TYK2: variants seen among roughly 807,000 people sequenced by gnomAD.
The protein encoded by TYK2 is tyrosine kinase 2.
In TYK2, 65 loss-of-function variants were observed where a neutral mutation model predicts 130.9. The ratio of observed to expected loss-of-function variants is 0.50; its 90% CI spans 0.41 to 0.61. TYK2 has a LOEUF of 0.61. TYK2 is among the 20% of genes least tolerant of loss of function. The pLI is 0.00. For missense variants in TYK2, 1,378 were observed against 1,610.7 expected (o/e 0.86, Z 2.47); for synonymous variants, 647 against 658.9 (o/e 0.98, Z 0.28).
chr19:10,360,312 T>C (rs572211199), intron 14 of TYK2, among the ~76,000 whole-genome samples: 1 of 151,588 alleles, frequency 6.6e-6, no homozygotes, highest in Admixed American at 6.6e-5. Context: ...CTAAGCAACA[T>C]AGTGAGACCC....
intron 3 of TYK2, 97 bp downstream of exon 3, chr19:10,378,101 AGTGGGTGGATGGGTGG>A (rs2042237555): frequency 5.8e-6 from 5 of 861,562 alleles, no homozygotes; most frequent in Non-Finnish European, 6.5e-6. Flanking sequence ...TGGATGGATG[AGTGGGTGGATGGGTGG>A]GTGGATGGGT....
chr19:10,351,063 A>G lies in TYK2; in HGVS notation c.3418T>C (p.Cys1140Arg). The change falls in exon 24 of 25, where the codon TGT (cysteine) becomes CGT (arginine). Residue 1140 changes from cysteine (C) to arginine (R), a missense_variant. Transcript: ENST00000525621. ...AAAGGAAGTCTCACCTCACAGGGACATTTGTCGGGCCGTGGCAGCCTCTCC... is the reference window on the plus strand; with the variant it reads ...AAAGGAAGTCTCACCTCACAGGGACGTTTGTCGGGCCGTGGCAGCCTCTCC... Reference protein sequence around the residue: ...RGERLPRPDKCPCEVYHLMKN... With the variant: ...RGERLPRPDKRPCEVYHLMKN... 1.2e-6 allele frequency: 2 copies of G among 1,614,120 alleles called. No homozygotes were observed. The highest frequency in any genetic ancestry group is 1.7e-6 in the Non-Finnish European group (2 of 1,180,028).
At chr19:10,371,511 A>G (rs1213015258) in intron 3 of TYK2, among the ~76,000 whole-genome samples, 2 of 151,904 alleles carry the variant, frequency 1.3e-5, no homozygotes, top group African/African-American at 2.4e-5. Context: ...GTGGTGGCGC[A>G]TGCCTGTAAT....
intron 3 of TYK2, among the ~76,000 whole-genome samples, chr19:10,375,220 T>C (rs1457573565): frequency 1.3e-5 from 2 of 151,436 alleles, no homozygotes; most frequent in Non-Finnish European, 1.5e-5. Flanking sequence ...GGAAGTGTTA[T>C]AAAAATTGAT....
At chr19:10,368,543 G>T in intron 3 of TYK2, 125 bp from the exon 4 acceptor site, 1 of 1,424,162 alleles carries the variant, frequency 7.0e-7, no homozygotes, top group Non-Finnish European at 9.7e-7. Flanking sequence ...TGCAGCTTCA[G>T]TCTCACGTTG....
intron 19 of TYK2, 106 bp from the exon 20 acceptor site, chr19:10,354,340 C>A: frequency 1.1e-5 from 16 of 1,447,174 alleles, no homozygotes; most frequent in Non-Finnish European, 1.3e-5. Context: ...TTCGGAATAC[C>A]CCAGGCCCCG....
At chr19:10,358,836 G>A (rs182914417) in intron 15 of TYK2, among the ~76,000 whole-genome samples, 11 of 152,098 alleles carry the variant, frequency 7.2e-5, no homozygotes, top group African/African-American at 2.4e-4. Flanking sequence ...AGGCTGAGGC[G>A]GATGGATCAC....
chr19:10,360,370 G>A (rs947420280), intron 14 of TYK2, among the ~76,000 whole-genome samples: 1 of 152,062 alleles, frequency 6.6e-6, no homozygotes, highest in Non-Finnish European at 1.5e-5. Context: ...GATAGCACAC[G>A]CCTGTCATCC....
At position 10,361,153 on chromosome 19, in the gene TYK2, G is replaced by A. The variant is rs1315950058; in HGVS notation, c.2047+358C>T. 2 of 506,622 alleles carry A rather than the reference G, an allele frequency of 3.9e-6. No individual in the cohort carries two copies. Among genetic ancestry groups the A allele is most frequent in the South Asian group, 1.8e-5 (1 of 55,712 alleles). 31.4% of individuals were successfully genotyped at this position (506,622 alleles called of 1,614,324 possible). On this transcript the variant is annotated intron_variant, in intron 14 of 24. Coordinates refer to ENST00000525621, the MANE Select transcript of TYK2 (RefSeq NM_003331.5). This position sits in a 1 kb window ranked among gnomAD's most constrained non-coding sequence, Gnocchi z 4.0. ...GGCCTAGGAGAATCAGCACACATCA[G>A]CACTGGAGTCTGCCTGAGGCCATAG...
chr19:10,372,740 C>A (rs1296784566), intron 3 of TYK2, among the ~76,000 whole-genome samples: 1 of 151,626 alleles, frequency 6.6e-6, no homozygotes, highest in African/African-American at 2.4e-5. Flanking sequence ...ATCCTCCACG[C>A]TTAGCCTCCA....
rs757954545 is a variant in TYK2 at position 10,353,138 on chromosome 19, G to A, written c.3028-40C>T. On this transcript the variant is annotated intron_variant, in intron 21 of 24. Coordinates refer to ENST00000525621, the MANE Select transcript of TYK2 (RefSeq NM_003331.5). The surrounding 1 kb of genome is among the most constrained non-coding windows in gnomAD (Gnocchi z 6.9). Reference sequence around the variant, plus strand: ...GGGCTCGTGAGTTTCAGTGGGGCGGGGTTCGGCCGGGGGCGGCGGCAGGAC... The same window carrying A: ...GGGCTCGTGAGTTTCAGTGGGGCGGAGTTCGGCCGGGGGCGGCGGCAGGAC... 2 of 1,458,678 alleles carry A rather than the reference G, an allele frequency of 1.4e-6. No individual in the cohort carries two copies. Among genetic ancestry groups the A allele is most frequent in the Non-Finnish European group, 1.8e-6 (2 of 1,101,726 alleles). 90.4% of individuals were successfully genotyped at this position (1,458,678 alleles called of 1,614,324 possible). A position where few individuals can be genotyped will look rare whatever the true frequency, so the allele number is the denominator to read the frequency against.
Position 10,353,746 on chromosome 19 carries a change from G to T in TYK2, c.2909-100C>A. 1.1e-6 allele frequency: 1 copy of T among 899,864 alleles called. No homozygotes were observed. The highest frequency in any genetic ancestry group is 1.6e-6 in the Non-Finnish European group (1 of 607,512). The allele number at this position is 899,864 out of a possible 1,614,324, so 55.7% of individuals were successfully genotyped here. ...GAGCCCCTCCAAGGTCGGGAGGGAA[G>T]GCCAAGACCCGCGCACACTAGACCC... On this transcript the variant is annotated intron_variant, in intron 20 of 24. Transcript: ENST00000525621. This position sits in a 1 kb window ranked among gnomAD's most constrained non-coding sequence, Gnocchi z 6.9.
At chr19:10,352,647 T>G in intron 22 of TYK2, 96 bp from the exon 23 acceptor site, 1 of 745,960 alleles carries the variant, frequency 1.3e-6, no homozygotes, top group Admixed American at 2.4e-5. Flanking sequence ...AAGGACCCTC[T>G]GGGCTCAGTT....
intron 3 of TYK2, among the ~76,000 whole-genome samples, chr19:10,374,027 G>A (rs897993659): frequency 6.6e-6 from 1 of 152,148 alleles, no homozygotes; most frequent in South Asian, 2.1e-4. Context: ...AGCACTTTGG[G>A]AGGCTGAGGT....
In TYK2 at chr19:10,361,740, A is replaced by C. The variant is rs2041414300; in HGVS notation, c.1959+30T>G. On this transcript the variant is annotated intron_variant, in intron 13 of 24. Coordinates refer to ENST00000525621, the MANE Select transcript of TYK2 (RefSeq NM_003331.5). This position sits in a 1 kb window ranked among gnomAD's most constrained non-coding sequence, Gnocchi z 4.0. ...TCCTCCGGCCACCTCCTCCACAGAC[A>C]CACCCCCAGGCCTGGCCCTGCCCAC... The C allele has an allele frequency of 2.5e-6, 4 of 1,606,118 alleles. No homozygotes were observed. The African/African-American group carries it at 5.5e-5, about 22-fold the overall frequency.
chr19:10,377,646 G>A (rs1407017269), intron 3 of TYK2, among the ~76,000 whole-genome samples: 1 of 6,148 alleles, frequency 1.6e-4, no homozygotes. Flanking sequence ...ATGGATGGGT[G>A]GATGGATGAA....
chr19:10,371,322 T>C (rs2041899335), intron 3 of TYK2, among the ~76,000 whole-genome samples: 2 of 151,570 alleles, frequency 1.3e-5, no homozygotes, highest in Non-Finnish European at 1.5e-5. Context: ...ATAATTTTCA[T>C]ATCCTCTACA....
chr19:10,352,570 T>C lies in TYK2; in HGVS notation c.3201-19A>G. On this transcript the variant is annotated intron_variant, in intron 22 of 24. Transcript: ENST00000525621. ...GGCATACCTAGGGGGAGGGGGGCAC[T>C]CAGGCCACGGGGGGCTGCACTGAGG... is the stretch of plus-strand genomic sequence containing the variant. The C allele has an allele frequency of 2.4e-4, 192 of 802,410 alleles. No individual in the cohort carries two copies. The highest frequency in any genetic ancestry group is 3.4e-4 in the Non-Finnish European group (173 of 508,446). 49.7% of individuals were successfully genotyped at this position (802,410 alleles called of 1,614,324 possible).
intron 14 of TYK2, among the ~76,000 whole-genome samples, chr19:10,359,964 T>C (rs2041313226): frequency 6.7e-6 from 1 of 148,818 alleles, no homozygotes. Context: ...TGAGCCGAGA[T>C]CACGTCATTG....
Sources: allele counts gnomAD v4.1 joint callset (sites outside exome capture counted in the v4.1 genomes callset), GRCh38; gene constraint gnomAD v4.1.1; non-coding constraint Gnocchi (gnomAD v3.1); transcripts MANE v1.5; gene names NCBI Gene and HGNC (gene_info 2026-07-23, HGNC 2026-07-21).